The following MYT1L variants were observed in gnomAD, a reference collection of about 807,000 sequenced individuals.
MYT1L encodes the protein myelin transcription factor 1-like protein.
Under a neutral mutation model 126.7 loss-of-function variants are expected in MYT1L, and 12 were observed. The ratio of observed to expected loss-of-function variants is 0.09; its 90% CI spans 0.06 to 0.15. The LOEUF is 0.15. Ranked by LOEUF, MYT1L falls within the 10% of genes least tolerant of loss-of-function variation. The pLI, the probability that MYT1L is intolerant of heterozygous loss-of-function variation, is 1.00. For synonymous variants in MYT1L, 541 were observed against 604.2 expected, an observed-to-expected ratio of 0.90 and a Z score of 1.53; for missense variants, 979 against 1,585.2, an observed-to-expected ratio of 0.62 and a Z score of 6.49.
At chr2:2,210,826 C>A (rs569090161) in intron 2 of MYT1L, among the ~76,000 whole-genome samples, 1 of 152,106 alleles carries the variant, frequency 6.6e-6, no homozygotes, top group Non-Finnish European at 1.5e-5. Context: ...GTAGTATGGA[C>A]GTTTTAACAA....
At chr2:2,294,146 G>C (rs2095638808) in intron 1 of MYT1L, among the ~76,000 whole-genome samples, 1 of 152,216 alleles carries the variant, frequency 6.6e-6, no homozygotes, top group African/African-American at 2.4e-5. Context: ...TGAGGAATGA[G>C]GAACATGAGA....
chr2:2,219,009 T>A (rs2093774559), intron 2 of MYT1L, among the ~76,000 whole-genome samples: 1 of 152,176 alleles, frequency 6.6e-6, no homozygotes, highest in African/African-American at 2.4e-5. Flanking sequence ...AGCTGAGGGA[T>A]ACATTGGCAT....
At chr2:2,040,909 A>G (rs895531441) in intron 4 of MYT1L, among the ~76,000 whole-genome samples, 2 of 152,228 alleles carry the variant, frequency 1.3e-5, no homozygotes, top group African/African-American at 4.8e-5. Context: ...TTCTGACACC[A>G]TCTCCATAGT....
chr2:2,315,183 C>A (rs886292703), intron 1 of MYT1L, among the ~76,000 whole-genome samples: 1 of 152,122 alleles, frequency 6.6e-6, no homozygotes, highest in South Asian at 2.1e-4. Context: ...GATATTATAA[C>A]CTTTTCTCTG....
chr2:1,870,776 G>A (rs1440207742), intron 18 of MYT1L, among the ~76,000 whole-genome samples: 1 of 152,204 alleles, frequency 6.6e-6, no homozygotes, highest in Non-Finnish European at 1.5e-5. Context: ...GGAAGATTGG[G>A]TTGAAATCTT....
At chr2:2,039,446 T>C (rs2067266095) in intron 4 of MYT1L, among the ~76,000 whole-genome samples, 1 of 152,166 alleles carries the variant, frequency 6.6e-6, no homozygotes, top group African/African-American at 2.4e-5. Context: ...ATGTAGTCTA[T>C]GGACAAATCT....
At position 2,176,702 on chromosome 2, in the gene MYT1L, T is replaced by C. The variant is rs1169179971; in HGVS notation, c.-420-3714A>G. ...TTAGTAGAGACGGGGTTTCACCATG[T>C]TGGCCAGGCTGGTCTCAAACTCCTG... is the stretch of plus-strand genomic sequence containing the variant. On this transcript the variant is annotated intron_variant, in intron 2 of 24. Transcript: ENST00000647738. 3.9e-5 allele frequency among the ~76,000 whole-genome samples: 6 copies of C among 152,138 alleles called. No individual in the cohort carries two copies. The East Asian group carries it at 1.2e-3, about 29-fold the overall frequency.
intron 3 of MYT1L, among the ~76,000 whole-genome samples, chr2:2,134,361 T>C (rs1233558222): frequency 1.3e-5 from 2 of 152,224 alleles, no homozygotes; most frequent in Admixed American, 1.3e-4. Context: ...TCTGGCTCCC[T>C]GAAATCCACT....
rs201961477 is a variant in MYT1L, at chr2:1,889,300, C to T, written c.2461G>A (p.Val821Ile). 53 of 1,613,882 alleles carry T rather than the reference C, an allele frequency of 3.3e-5. No individual in the cohort carries two copies. In the East Asian group the frequency reaches 6.7e-4, roughly 20 times the overall value. ...LGEGDCWDLP[V>I]DYTKMKPRRI... ...CGGGGTTTCATTTTGGTGTAGTCTA[C>T]GGGCAAGTCCCAGCAGTCGCCCTCG... The change falls in exon 16 of 25, where the codon GTA becomes ATA. Residue 821 changes from valine (V) to isoleucine (I), a missense_variant. Val to Ile is a conservative substitution (Grantham distance 29, BLOSUM62 3). Coordinates refer to ENST00000647738, the MANE Select transcript of MYT1L (RefSeq NM_001303052.2). The surrounding 1 kb of genome is among the most constrained non-coding windows in gnomAD (Gnocchi z 4.1).
intron 2 of MYT1L, among the ~76,000 whole-genome samples, chr2:2,262,280 T>A (rs916470321): frequency 6.6e-6 from 1 of 152,178 alleles, no homozygotes; most frequent in Non-Finnish European, 1.5e-5. Context: ...TATCCAATTT[T>A]GCCATAATAT....
chr2:1,791,723 CAT>C lies in MYT1L; in HGVS notation c.*142_*143del. The C allele has an allele frequency of 1.2e-6, 1 of 810,350 alleles. No homozygotes were observed. Among genetic ancestry groups the C allele is most frequent in the Non-Finnish European group, 1.8e-6 (1 of 544,504 alleles). The allele number at this position is 810,350 out of a possible 1,614,324, so 50.2% of individuals were successfully genotyped here. ...TGCAGGTACTATCTTTAAAGCAAGA[CAT>C]AAAATCATTATGAAGTCTTGTAAGC... On this transcript the variant is annotated 3_prime_UTR_variant, in exon 25 of 25. Coordinates refer to ENST00000647738, the MANE Select transcript of MYT1L (RefSeq NM_001303052.2). The surrounding 1 kb of genome is among the most constrained non-coding windows in gnomAD (Gnocchi z 6.0).
intron 1 of MYT1L, among the ~76,000 whole-genome samples, chr2:2,307,043 C>T (rs1573413128): frequency 6.6e-6 from 1 of 152,092 alleles, no homozygotes; most frequent in Admixed American, 6.5e-5. Flanking sequence ...TTTGCATAGA[C>T]ACCAGAGAAA....
chr2:2,305,718 G>C (rs1296137688), intron 1 of MYT1L, among the ~76,000 whole-genome samples: 2 of 152,194 alleles, frequency 1.3e-5, no homozygotes, highest in East Asian at 1.9e-4. Context: ...TGGTGGAAGA[G>C]TGAAGGGGAA....
At chr2:2,281,392 T>C (rs2095444437) in intron 2 of MYT1L, among the ~76,000 whole-genome samples, 1 of 152,210 alleles carries the variant, frequency 6.6e-6, no homozygotes, top group African/African-American at 2.4e-5. Flanking sequence ...TCATAACTAG[T>C]AATAGTGTGG....
chr2:1,796,076 T>C (rs1469794498), intron 23 of MYT1L, among the ~76,000 whole-genome samples: 3 of 152,164 alleles, frequency 2.0e-5, no homozygotes, highest in Admixed American at 1.3e-4. Flanking sequence ...TTTTGTAACA[T>C]ATAAGAGCTA....
At chr2:1,884,035 GGATCCAAGAGCGA>G (rs1436323752) in intron 18 of MYT1L, 1 of 152,254 alleles carries the variant, frequency 6.6e-6, no homozygotes, top group Admixed American at 6.5e-5. Flanking sequence ...AGAGCTTAGA[GGATCCAAGAGCGA>G]GAGTTTATCT....
At chr2:1,991,977 C>T (rs2061488345) in intron 5 of MYT1L, among the ~76,000 whole-genome samples, 1 of 152,214 alleles carries the variant, frequency 6.6e-6, no homozygotes, top group East Asian at 1.9e-4. Flanking sequence ...AGGATTCGAA[C>T]TGGCGTTTTC....
chr2:2,105,545 T>C (rs1190241135), intron 3 of MYT1L, among the ~76,000 whole-genome samples: 2 of 152,358 alleles, frequency 1.3e-5, no homozygotes, highest in East Asian at 3.9e-4. Flanking sequence ...TTTAATATGT[T>C]CTTTTTTAAT....
Position 1,999,524 on chromosome 2 carries a change from TG to T in MYT1L, c.-157-2178del, listed in dbSNP as rs140617007. 6.9e-3 allele frequency among the ~76,000 whole-genome samples: 1,045 copies of T among 152,194 alleles called. 10 individuals carry two copies. Among genetic ancestry groups the T allele is most frequent in the African/African-American group, 0.024 (993 of 41,518 alleles). ...TGGGTGTAAAGACAAATGGAAAATA[TG>T]AAAGAACAGAAAATTTAAAAATATA... is the stretch of plus-strand genomic sequence containing the variant. On this transcript the variant is annotated intron_variant, in intron 4 of 24. Transcript: ENST00000647738.
Sources: gnomAD v4.1 joint callset for allele counts (sites outside exome capture counted in the v4.1 genomes callset) on GRCh38, gnomAD v4.1.1 for gene constraint, Gnocchi (gnomAD v3.1) non-coding constraint, MANE v1.5 for transcripts, NCBI Gene and HGNC (gene_info 2026-07-23, HGNC 2026-07-21) for gene names.